HAT1: variants seen among roughly 807,000 people sequenced by gnomAD.
The protein encoded by HAT1 is histone acetyltransferase 1.
In HAT1, 20 loss-of-function variants were observed where a neutral mutation model predicts 56.6. The ratio of observed to expected loss-of-function variants is 0.35; its 90% CI spans 0.25 to 0.51. The LOEUF (loss-of-function observed/expected upper bound fraction) is 0.51. Ranked by LOEUF, HAT1 falls within the 20% of genes least tolerant of loss-of-function variation. HAT1 has a pLI of 0.95. For synonymous variants in HAT1, 146 were observed against 165.5 expected, an observed-to-expected ratio of 0.88 and a Z score of 0.91; for missense variants, 408 against 504.3, an observed-to-expected ratio of 0.81 and a Z score of 1.83.
At chr2:171,975,031 C>T (rs1416207191) in intron 8 of HAT1, among the ~76,000 whole-genome samples, 1 of 150,582 alleles carries the variant, frequency 6.6e-6, no homozygotes, top group Non-Finnish European at 1.5e-5. Context: ...TAGTTTTTGT[C>T]TTAGATCCTT....
intron 3 of HAT1, among the ~76,000 whole-genome samples, chr2:171,951,222 T>C (rs1268989067): frequency 6.6e-6 from 1 of 152,266 alleles, no homozygotes; most frequent in Admixed American, 6.5e-5. Flanking sequence ...ATATTAATAA[T>C]TGTATCTTAT....
At chr2:171,977,551 ATATAT>A (rs1434617069) in intron 9 of HAT1, among the ~76,000 whole-genome samples, 2 of 13,430 alleles carry the variant, frequency 1.5e-4, no homozygotes, top group African/African-American at 6.0e-4. Context: ...ATATATATAT[ATATAT>A]ATTTTTTTTT....
At chr2:171,957,741 C>T (rs1009844910) in intron 4 of HAT1, among the ~76,000 whole-genome samples, 1 of 152,126 alleles carries the variant, frequency 6.6e-6, no homozygotes, top group African/African-American at 2.4e-5. Flanking sequence ...GAAACTTCAC[C>T]ATTGATTTTT....
At chr2:171,975,082 G>C (rs1410223940) in intron 8 of HAT1, among the ~76,000 whole-genome samples, 1 of 150,766 alleles carries the variant, frequency 6.6e-6, no homozygotes, top group East Asian at 1.9e-4. Context: ...GAGTTGGAAA[G>C]TGTTTCCTCT....
chr2:171,965,126 C>T (rs932721673), intron 4 of HAT1: 1 of 493,438 alleles, frequency 2.0e-6, no homozygotes, highest in Non-Finnish European at 3.6e-6. Context: ...CCTGCCTTCT[C>T]TTATTTACTT....
chr2:171,974,193 G>A (rs1227506752), intron 8 of HAT1, among the ~76,000 whole-genome samples: 55,538 of 90,738 alleles, frequency 0.61, 17,628 homozygotes, highest in East Asian at 0.72. Context: ...AAAAAAAAAA[G>A]AAAAAAAGAA....
intron 8 of HAT1, among the ~76,000 whole-genome samples, chr2:171,974,129 A>G (rs1687888357): frequency 7.1e-6 from 1 of 141,012 alleles, no homozygotes; most frequent in South Asian, 2.4e-4. Context: ...CCGTGAGCCA[A>G]GATCGTACAC....
intron 4 of HAT1, among the ~76,000 whole-genome samples, chr2:171,958,757 A>G (rs1156401553): frequency 1.3e-5 from 2 of 152,222 alleles, no homozygotes; most frequent in African/African-American, 4.8e-5. Flanking sequence ...AGTTCCTAAA[A>G]CATTAACAAT....
chr2:171,950,890 A>G (rs1352914481), intron 3 of HAT1, among the ~76,000 whole-genome samples: 1 of 151,898 alleles, frequency 6.6e-6, no homozygotes, highest in Non-Finnish European at 1.5e-5. Context: ...GCTCACTGCA[A>G]GCTGCGCCTC....
chr2:171,939,339 T>C (rs2105312248), intron 2 of HAT1, among the ~76,000 whole-genome samples: 1 of 152,340 alleles, frequency 6.6e-6, no homozygotes, highest in South Asian at 2.1e-4. Context: ...ATACTTCTGC[T>C]TTGGCTTTGA....
chr2:171,966,879 C>A lies in HAT1; in HGVS notation c.753C>A (p.Gly251=). ...TTTTGACTCCATTTCAAGGTCAAGGCCATGGTGCTCAACTTCTTGAAACAG... is the reference window on the plus strand; with the variant it reads ...TTTTGACTCCATTTCAAGGTCAAGGACATGGTGCTCAACTTCTTGAAACAG... The part of the protein sequence containing the change: ...MLILTPFQGQ[G]HGAQLLETVH... The change falls in exon 8 of 11, where the codon GGC becomes GGA. Residue 251 remains glycine, a synonymous_variant. Transcript: ENST00000264108. 6.3e-7 allele frequency: 1 copy of A among 1,592,608 alleles called. No individual in the cohort carries two copies. The highest frequency in any genetic ancestry group is 8.6e-7 in the Non-Finnish European group (1 of 1,161,174).
intron 4 of HAT1, among the ~76,000 whole-genome samples, chr2:171,964,648 G>A (rs1251123825): frequency 6.6e-6 from 1 of 152,102 alleles, no homozygotes; most frequent in Non-Finnish European, 1.5e-5. Context: ...TATGAAGTCT[G>A]CTCAGCTGAT....
intron 8 of HAT1, among the ~76,000 whole-genome samples, chr2:171,971,341 T>G (rs151057446): frequency 2.0e-5 from 3 of 152,224 alleles, no homozygotes; most frequent in Admixed American, 6.5e-5. Flanking sequence ...AGTTCAGTGG[T>G]TTTTAGTAAA....
intron 2 of HAT1, among the ~76,000 whole-genome samples, chr2:171,929,201 G>C (rs1317297914): frequency 2.6e-5 from 4 of 152,018 alleles, no homozygotes; most frequent in Admixed American, 6.6e-5. Flanking sequence ...GGTTTTAATT[G>C]TCTTTTCCCT....
At chr2:171,977,186 AT>A (rs1687988344) in intron 9 of HAT1, among the ~76,000 whole-genome samples, 1 of 126,716 alleles carries the variant, frequency 7.9e-6, no homozygotes, top group South Asian at 2.5e-4. Context: ...AAAAAAAGAA[AT>A]TTGTGTAGGC....
At chr2:171,953,887 TG>T (rs1285400399) in intron 4 of HAT1, among the ~76,000 whole-genome samples, 2 of 151,864 alleles carry the variant, frequency 1.3e-5, no homozygotes, top group African/African-American at 4.8e-5. Context: ...CCCAGCTACT[TG>T]GGAGGCTGAG....
intron 2 of HAT1, among the ~76,000 whole-genome samples, chr2:171,937,879 C>T (rs1006532924): frequency 2.6e-5 from 4 of 152,108 alleles, no homozygotes; most frequent in African/African-American, 9.7e-5. Context: ...AACAATTAGC[C>T]AAGTGTGTGG....
intron 2 of HAT1, among the ~76,000 whole-genome samples, chr2:171,945,868 C>CAAA (rs1171242634): frequency 6.6e-6 from 1 of 152,084 alleles, no homozygotes; most frequent in Non-Finnish European, 1.5e-5. Flanking sequence ...TGGGGTTTCA[C>CAAA]CATGTTGGCC....
At chr2:171,950,895 C>G (rs1473587362) in intron 3 of HAT1, among the ~76,000 whole-genome samples, 1 of 151,994 alleles carries the variant, frequency 6.6e-6, no homozygotes, top group Non-Finnish European at 1.5e-5. Context: ...CTGCAAGCTG[C>G]GCCTCCTGGG....
Sources: allele counts gnomAD v4.1 joint callset (sites outside exome capture counted in the v4.1 genomes callset), GRCh38; gene constraint gnomAD v4.1.1; transcripts MANE v1.5; gene names NCBI Gene and HGNC (gene_info 2026-07-23, HGNC 2026-07-21).